The following BCAS3 variants were observed in gnomAD, a reference collection of about 807,000 sequenced individuals.
BCAS3 encodes the protein BCAS4/BCAS3 fusion.
In BCAS3, 53 loss-of-function variants were observed where a neutral mutation model predicts 116.1. The ratio of observed to expected loss-of-function variants is 0.46; its 90% CI spans 0.37 to 0.57. The LOEUF (loss-of-function observed/expected upper bound fraction) is 0.57, where lower values mean the gene tolerates loss of function less well. Ranked by LOEUF, BCAS3 falls within the 20% of genes least tolerant of loss-of-function variation. The pLI is 0.00. For synonymous variants in BCAS3, 391 were observed against 408.2 expected (o/e 0.96, Z 0.51); for missense variants, 917 against 1,165.4 (o/e 0.79, Z 3.10).
chr17:60,773,993 A>G (rs187383019), intron 6 of BCAS3, among the ~76,000 whole-genome samples: 2 of 152,288 alleles, frequency 1.3e-5, no homozygotes, highest in Admixed American at 1.3e-4. Flanking sequence ...CCTTTATCAG[A>G]TAAGGCTTTT....
At chr17:60,871,024 T>C (rs1000361895) in intron 8 of BCAS3, among the ~76,000 whole-genome samples, 1 of 152,250 alleles carries the variant, frequency 6.6e-6, no homozygotes, top group African/African-American at 2.4e-5. Context: ...ATCAATAGTT[T>C]TGACAATGGT....
At chr17:61,236,001 T>C (rs2083027902) in intron 22 of BCAS3, among the ~76,000 whole-genome samples, 1 of 152,218 alleles carries the variant, frequency 6.6e-6, no homozygotes. Flanking sequence ...AGTTAAATTA[T>C]AGTTAGTAAA....
At chr17:60,914,195 A>G (rs1196062161) in intron 12 of BCAS3, among the ~76,000 whole-genome samples, 1 of 152,196 alleles carries the variant, frequency 6.6e-6, no homozygotes, top group South Asian at 2.1e-4. Flanking sequence ...CTACTGTGAT[A>G]AGTGGTGAGT....
intron 23 of BCAS3, among the ~76,000 whole-genome samples, chr17:61,374,122 T>G (rs1193034310): frequency 6.6e-6 from 1 of 151,282 alleles, no homozygotes; most frequent in Non-Finnish European, 1.5e-5. Flanking sequence ...GGCCCCCATT[T>G]AAAGTATTCT....
chr17:60,968,616 CT>C (rs1360750434), intron 14 of BCAS3, among the ~76,000 whole-genome samples: 2 of 152,042 alleles, frequency 1.3e-5, no homozygotes, highest in Non-Finnish European at 2.9e-5. Context: ...CACCTTGGCT[CT>C]GCTAAATGAT....
chr17:61,203,407 C>T lies in BCAS3; in HGVS notation c.2425+118843C>T, dbSNP rs538423836. Among the ~76,000 whole-genome samples the T allele has an allele frequency of 3.4e-4, 51 of 152,232 alleles. No homozygotes were observed. The highest frequency in any genetic ancestry group is 5.1e-4 in the Non-Finnish European group (35 of 68,014). On this transcript the variant is annotated intron_variant, in intron 22 of 23. Transcript: ENST00000407086. This position sits in a 1 kb window ranked among gnomAD's most constrained non-coding sequence, Gnocchi z 5.7. ...TCCTGACCTTGTGATCTGCTCACCT[C>T]GGCCTCCCAAAGTGCTGGTATCACA...
At chr17:60,709,670 T>G (rs1598209552) in intron 5 of BCAS3, 1 of 265,712 alleles carries the variant, frequency 3.8e-6, no homozygotes, top group African/African-American at 2.3e-5. Flanking sequence ...ATTACAGGCG[T>G]GAGCCACTGC....
intron 22 of BCAS3, among the ~76,000 whole-genome samples, chr17:61,110,427 T>C (rs553286095): frequency 1.2e-4 from 19 of 152,310 alleles, no homozygotes; most frequent in African/African-American, 1.9e-4. Flanking sequence ...ATTGCCTCAC[T>C]TGGGAAGCGC....
chr17:60,798,904 T>C lies in BCAS3; in HGVS notation c.404-9100T>C, dbSNP rs564202327. ...GCTGTGCAATGGTATCTCATTGTTT[T>C]AGTCTATAATTCCATAATAACATAT... On this transcript the variant is annotated intron_variant, in intron 6 of 23. Coordinates refer to ENST00000407086, the MANE Select transcript of BCAS3 (RefSeq NM_017679.5). Among the ~76,000 whole-genome samples, 3 of 152,378 alleles carry C rather than the reference T, an allele frequency of 2.0e-5. No individual in the cohort carries two copies. The South Asian group carries it at 6.2e-4, about 32-fold the overall frequency.
At chr17:61,172,781 C>T (rs964730589) in intron 22 of BCAS3, among the ~76,000 whole-genome samples, 2 of 151,440 alleles carry the variant, frequency 1.3e-5, no homozygotes, top group Admixed American at 6.6e-5. Flanking sequence ...GTCCGGAGAT[C>T]GAGACAATCC....
At chr17:61,288,912 G>A (rs1051061354) in intron 22 of BCAS3, among the ~76,000 whole-genome samples, 1 of 152,226 alleles carries the variant, frequency 6.6e-6, no homozygotes, top group African/African-American at 2.4e-5. Context: ...TTGGAGGACA[G>A]GGGTGGAGCA....
At chr17:60,880,272 T>G (rs1040196675) in intron 9 of BCAS3, among the ~76,000 whole-genome samples, 2 of 151,460 alleles carry the variant, frequency 1.3e-5, no homozygotes, top group Non-Finnish European at 2.9e-5. Context: ...ATGTTCACTT[T>G]TTTTTTTTTA....
intron 19 of BCAS3, among the ~76,000 whole-genome samples, chr17:61,045,592 G>GT (rs2067979773): frequency 6.7e-6 from 1 of 149,996 alleles, no homozygotes. Flanking sequence ...GAGGCGGGGG[G>GT]ATCGCTTGAA....
chr17:60,763,271 G>A (rs994533324), intron 6 of BCAS3, among the ~76,000 whole-genome samples: 6 of 152,160 alleles, frequency 3.9e-5, no homozygotes, highest in African/African-American at 1.4e-4. Flanking sequence ...CCTGTCTTGT[G>A]CCAGTTTTCA....
chr17:61,346,137 G>C lies in BCAS3; in HGVS notation c.2426-22190G>C, dbSNP rs1471905815. On this transcript the variant is annotated intron_variant, in intron 22 of 23. Coordinates refer to ENST00000407086, the MANE Select transcript of BCAS3 (RefSeq NM_017679.5). This position sits in a 1 kb window ranked among gnomAD's most constrained non-coding sequence, Gnocchi z 5.4. ...TGCCATAATCCTTGTTGAAGTCGAG[G>C]AGTTGACTTAGAAGGCCTGCAGAGT... is the stretch of plus-strand genomic sequence containing the variant. Among the ~76,000 whole-genome samples, 1 of 152,170 alleles carries C rather than the reference G, an allele frequency of 6.6e-6. No individual in the cohort carries two copies. Among genetic ancestry groups the C allele is most frequent in the Non-Finnish European group, 1.5e-5 (1 of 68,038 alleles).
intron 6 of BCAS3, among the ~76,000 whole-genome samples, chr17:60,784,020 A>G (rs1192577814): frequency 6.6e-6 from 1 of 152,172 alleles, no homozygotes; most frequent in African/African-American, 2.4e-5. Context: ...AATATAAAGC[A>G]GCACTCCATT....
chr17:60,910,469 C>T (rs747223932), intron 11 of BCAS3, 63 bp from the exon 12 acceptor site: 16 of 1,266,654 alleles, frequency 1.3e-5, no homozygotes, highest in Middle Eastern at 2.1e-4. Flanking sequence ...TAATAAAATG[C>T]GTATTTCTAT....
At chr17:61,311,313 C>A (rs1245774948) in intron 22 of BCAS3, among the ~76,000 whole-genome samples, 1 of 152,044 alleles carries the variant, frequency 6.6e-6, no homozygotes, top group Non-Finnish European at 1.5e-5. Flanking sequence ...AATTTAAAAC[C>A]AACTTTCTTT....
chr17:61,147,745 G>A (rs958150190), intron 22 of BCAS3, among the ~76,000 whole-genome samples: 3 of 152,110 alleles, frequency 2.0e-5, no homozygotes, highest in Admixed American at 6.5e-5. Context: ...CCAGCACTTC[G>A]GGAGGCCGAG....
Sources: allele counts gnomAD v4.1 joint callset (sites outside exome capture counted in the v4.1 genomes callset), GRCh38; gene constraint gnomAD v4.1.1; non-coding constraint Gnocchi (gnomAD v3.1); transcripts MANE v1.5; gene names NCBI Gene and HGNC (gene_info 2026-07-23, HGNC 2026-07-21).